The following ROBO1 variants were observed in gnomAD, a reference collection of about 807,000 sequenced individuals.
ROBO1 encodes roundabout homolog 1.
ROBO1 carries 149 observed loss-of-function variants against 195.9 expected under a neutral mutation model. The observed-to-expected ratio is 0.76, with a 90% CI of 0.67 to 0.87. ROBO1 has a LOEUF of 0.87. Ranked by LOEUF, ROBO1 falls within the 40% of genes least tolerant of loss-of-function variation. The pLI, the probability that ROBO1 is intolerant of heterozygous loss-of-function variation, is 0.00. For synonymous variants in ROBO1, 816 were observed against 733.2 expected (o/e 1.11, Z -1.82); for missense variants, 1,933 against 2,068.3 (o/e 0.93, Z 1.27).
At chr3:79,535,048 T>G (rs1431253376) in intron 2 of ROBO1, among the ~76,000 whole-genome samples, 1 of 149,168 alleles carries the variant, frequency 6.7e-6, no homozygotes, top group Non-Finnish European at 1.5e-5. Context: ...TAGAAAACAA[T>G]TTGTAGGACT....
At chr3:78,862,785 T>C (rs1170580914) in intron 4 of ROBO1, among the ~76,000 whole-genome samples, 2 of 152,194 alleles carry the variant, frequency 1.3e-5, no homozygotes, top group African/African-American at 2.4e-5. Flanking sequence ...CTCTCAGCAA[T>C]TAGCAGAGGG....
At position 79,186,633 on chromosome 3, in the gene ROBO1, T is replaced by G. The variant is rs748025528; in HGVS notation, c.89-61094A>C. On this transcript the variant is annotated intron_variant, in intron 2 of 30. Transcript: ENST00000464233. ...GTTATAGGATTAGACTCTTTCACCC[T>G]TCTTGTAAGTGAGGTATGACCATGT... 4.4e-4 allele frequency among the ~76,000 whole-genome samples: 67 copies of G among 152,106 alleles called. 2 individuals carry two copies. Among genetic ancestry groups the G allele is most frequent in the Non-Finnish European group, 1.5e-4 (10 of 67,974 alleles).
intron 2 of ROBO1, among the ~76,000 whole-genome samples, chr3:79,316,695 A>G (rs1277766909): frequency 6.6e-6 from 1 of 152,130 alleles, no homozygotes; most frequent in Non-Finnish European, 1.5e-5. Flanking sequence ...AAAATATAAT[A>G]TAAATGTCAG....
intron 2 of ROBO1, among the ~76,000 whole-genome samples, chr3:79,227,229 C>A (rs1461338125): frequency 6.6e-6 from 1 of 152,072 alleles, no homozygotes; most frequent in Non-Finnish European, 1.5e-5. Context: ...TGTTTTTCCC[C>A]AGGCCTCTTT....
At chr3:79,092,476 A>G (rs1296710614) in intron 3 of ROBO1, among the ~76,000 whole-genome samples, 1 of 152,204 alleles carries the variant, frequency 6.6e-6, no homozygotes, top group Non-Finnish European at 1.5e-5. Flanking sequence ...GAGAATTGCC[A>G]GACAGAGATG....
chr3:79,574,934 A>T (rs991181794), intron 2 of ROBO1, among the ~76,000 whole-genome samples: 9 of 151,168 alleles, frequency 6.0e-5, no homozygotes, highest in Admixed American at 3.3e-4. Flanking sequence ...AACTAAAAAC[A>T]TAACTTCCTA....
chr3:78,811,329 C>T (rs1218778340), intron 4 of ROBO1, among the ~76,000 whole-genome samples: 3 of 152,108 alleles, frequency 2.0e-5, no homozygotes, highest in Non-Finnish European at 2.9e-5. Flanking sequence ...TAATTAGAGG[C>T]AAGAAAGTTT....
Position 78,667,965 on chromosome 3 carries a change from T to A in ROBO1, c.1884A>T (p.Ala628=). 6.2e-7 allele frequency: 1 copy of A among 1,613,816 alleles called. No individual in the cohort carries two copies. The highest frequency in any genetic ancestry group is 8.5e-7 in the Non-Finnish European group (1 of 1,179,796). The change falls in exon 14 of 31, where the codon GCA becomes GCT. Residue 628 remains alanine (A), a synonymous_variant. Coordinates refer to ENST00000464233, the MANE Select transcript of ROBO1 (RefSeq NM_002941.4). The part of the protein sequence containing the change: ...TSAIKGLKPN[A]IYLFLVRAAN... The stretch of plus-strand genomic sequence containing the variant: ...CTGCCCTCACAAGGAAAAGGTAAAT[T>A]GCATTAGGTTTGAGTCCTTTAATGG...
chr3:79,337,359 T>C (rs1284873268), intron 2 of ROBO1, among the ~76,000 whole-genome samples: 2 of 152,188 alleles, frequency 1.3e-5, no homozygotes, highest in South Asian at 4.1e-4. Context: ...GATAATTGAA[T>C]CATGGAGGCA....
chr3:79,100,817 A>G (rs537025083), intron 3 of ROBO1, among the ~76,000 whole-genome samples: 1 of 151,854 alleles, frequency 6.6e-6, no homozygotes, highest in Admixed American at 6.6e-5. Context: ...TCAAGATAAG[A>G]CTATTTGAAC....
At chr3:79,155,961 AC>A (rs2080850968) in intron 2 of ROBO1, among the ~76,000 whole-genome samples, 1 of 151,786 alleles carries the variant, frequency 6.6e-6, no homozygotes, top group Non-Finnish European at 1.5e-5. Context: ...TCACTTCCCA[AC>A]TTACAATCCT....
At chr3:79,126,688 T>C (rs914398553) in intron 2 of ROBO1, among the ~76,000 whole-genome samples, 2 of 152,218 alleles carry the variant, frequency 1.3e-5, no homozygotes, top group South Asian at 2.1e-4. Flanking sequence ...TTTCTTGTTC[T>C]GAGCAGTGAA....
At chr3:78,858,361 T>G (rs1048627684) in intron 4 of ROBO1, among the ~76,000 whole-genome samples, 1 of 152,082 alleles carries the variant, frequency 6.6e-6, no homozygotes, top group Non-Finnish European at 1.5e-5. Context: ...TGCTGTCACC[T>G]AAACTGCTGT....
chr3:79,567,662 G>A (rs754107137), intron 2 of ROBO1, among the ~76,000 whole-genome samples: 10 of 151,898 alleles, frequency 6.6e-5, no homozygotes, highest in South Asian at 2.1e-4. Flanking sequence ...GAAATTAACC[G>A]TACCCATATG....
intron 1 of ROBO1, among the ~76,000 whole-genome samples, chr3:79,626,128 C>T (rs982303913): frequency 2.6e-5 from 4 of 152,052 alleles, no homozygotes; most frequent in Admixed American, 1.3e-4. Flanking sequence ...AAAAAGCCTT[C>T]GATAAAATTC....
chr3:79,181,402 G>T (rs2108731614), intron 2 of ROBO1, among the ~76,000 whole-genome samples: 1 of 152,288 alleles, frequency 6.6e-6, no homozygotes, highest in East Asian at 1.9e-4. Flanking sequence ...CACCCTCAGT[G>T]CATACCCTAA....
chr3:79,214,588 A>G (rs2082021060), intron 2 of ROBO1, among the ~76,000 whole-genome samples: 1 of 152,052 alleles, frequency 6.6e-6, no homozygotes, highest in Non-Finnish European at 1.5e-5. Context: ...GTGCTCAACC[A>G]ATGTTAACTT....
chr3:79,624,913 A>T (rs945341661), intron 1 of ROBO1, among the ~76,000 whole-genome samples: 1 of 152,188 alleles, frequency 6.6e-6, no homozygotes, highest in Non-Finnish European at 1.5e-5. Flanking sequence ...TTAATGCCAC[A>T]TGGCACTTAT....
At chr3:78,754,487 A>G (rs569278651) in intron 4 of ROBO1, among the ~76,000 whole-genome samples, 2 of 152,290 alleles carry the variant, frequency 1.3e-5, no homozygotes, top group South Asian at 2.1e-4. Flanking sequence ...ATGCTTCTGT[A>G]TTTATTGCCT....
Sources: gnomAD v4.1 joint callset for allele counts (sites outside exome capture counted in the v4.1 genomes callset) on GRCh38, gnomAD v4.1.1 for gene constraint, MANE v1.5 for transcripts, NCBI Gene and HGNC (gene_info 2026-07-23, HGNC 2026-07-21) for gene names.